PTCH1: variants seen among roughly 807,000 people sequenced by gnomAD.
PTCH1 encodes protein patched homolog 1.
PTCH1 carries 14 observed loss-of-function variants against 144.6 expected under a neutral mutation model. That is an observed-to-expected ratio of 0.10 (90% CI 0.06 to 0.15). The LOEUF (loss-of-function observed/expected upper bound fraction) is 0.15, where lower values mean the gene tolerates loss of function less well. Ranked by LOEUF, PTCH1 falls within the 10% of genes least tolerant of loss-of-function variation. The pLI is 1.00. For missense variants in PTCH1, 1,623 were observed against 1,948.3 expected, an observed-to-expected ratio of 0.83 and a Z score of 3.14; for synonymous variants, 833 against 793.6, an observed-to-expected ratio of 1.05 and a Z score of -0.83.
At chr9:95,464,917 G>A (rs1839864000) in intron 15 of PTCH1, among the ~76,000 whole-genome samples, 1 of 152,066 alleles carries the variant, frequency 6.6e-6, no homozygotes, top group Non-Finnish European at 1.5e-5. Context: ...GCAGCAAAGG[G>A]CTCCAGTGTC....
chr9:95,466,259 C>T (rs1164084647), intron 15 of PTCH1, among the ~76,000 whole-genome samples: 6 of 152,182 alleles, frequency 3.9e-5, no homozygotes, highest in Non-Finnish European at 8.8e-5. Flanking sequence ...GTAGGCCAGG[C>T]TGGTCTCGAA....
Position 95,481,420 on chromosome 9 carries a change from G to A in PTCH1, c.746+529C>T, listed in dbSNP as rs536876239. 7.2e-5 allele frequency among the ~76,000 whole-genome samples: 11 copies of A among 152,242 alleles called. No individual in the cohort carries two copies. The East Asian group carries it at 9.6e-4, about 13-fold the overall frequency. On this transcript the variant is annotated intron_variant, in intron 5 of 23. Transcript: ENST00000331920. The stretch of plus-strand genomic sequence containing the variant: ...TTAACAATTATTCTCTAAATGATGC[G>A]GTATATATAATATCCAACTGCTAAA...
At chr9:95,474,729 T>C (rs1211118789) in intron 12 of PTCH1, among the ~76,000 whole-genome samples, 1 of 152,176 alleles carries the variant, frequency 6.6e-6, no homozygotes, top group Non-Finnish European at 1.5e-5. Flanking sequence ...CGTGATTGAT[T>C]GGTTCCTCTT....
chr9:95,455,029 G>C (rs1249194346), intron 19 of PTCH1, among the ~76,000 whole-genome samples: 2 of 152,172 alleles, frequency 1.3e-5, no homozygotes, highest in Non-Finnish European at 2.9e-5. Context: ...TTGAAGAACT[G>C]TATTGGAATT....
rs1838236724 is a variant in PTCH1 at position 95,449,292 on chromosome 9, G to C, written c.3581C>G (p.Pro1194Arg). The change falls in exon 22 of 24, where the codon CCC (proline) becomes CGC (arginine). Residue 1194 changes from proline to arginine, a missense_variant. By Grantham distance (103) the Pro-to-Arg change is moderately radical. Transcript: ENST00000331920. The surrounding 1 kb of genome is among the most constrained non-coding windows in gnomAD (Gnocchi z 5.3). The part of the protein sequence containing the change: ...VSPANGLNRL[P>R]TPSPEPPPSV... ...GGGGGGTGGCTCAGGGGAGGGTGTG[G>C]GCAGGCGGTTCAAGCCGTTGGCTGG... 6.4e-7 allele frequency: 1 copy of C among 1,557,430 alleles called. No homozygotes were observed. The highest frequency in any genetic ancestry group is 1.4e-5 in the African/African-American group (1 of 73,836).
intron 14 of PTCH1, among the ~76,000 whole-genome samples, chr9:95,467,908 T>C (rs1465284510): frequency 1.3e-5 from 2 of 151,686 alleles, no homozygotes; most frequent in Non-Finnish European, 2.9e-5. Flanking sequence ...TGCCCAGCCT[T>C]GTTTTGTTAT....
chr9:95,463,170 CAA>C (rs71498963), intron 15 of PTCH1, among the ~76,000 whole-genome samples: 71 of 151,814 alleles, frequency 4.7e-4, no homozygotes, highest in Admixed American at 9.2e-4. Context: ...TCAAAGGCTT[CAA>C]AAAAAATCTG....
chr9:95,475,244 T>C (rs1449071221), intron 12 of PTCH1, among the ~76,000 whole-genome samples: 1 of 152,128 alleles, frequency 6.6e-6, no homozygotes. Context: ...TGCTTACAAT[T>C]CACAGAAGCT....
At chr9:95,509,991 TCCC>T (rs529718321), upstream of PTCH1, among the ~76,000 whole-genome samples, 271 of 139,180 alleles carry the variant, frequency 1.9e-3, 4 homozygotes, top group Non-Finnish European at 7.8e-4. Context: ...AGCCGCTTTC[TCCC>T]CCCAACTTAA....
chr9:95,515,345 T>C (rs1457310969), intron 1 of PTCH1, among the ~76,000 whole-genome samples: 1 of 152,212 alleles, frequency 6.6e-6, no homozygotes, highest in Admixed American at 6.5e-5. Flanking sequence ...TCTTTTGTAT[T>C]TCTCCTCCCC....
chr9:95,481,004 C>T (rs949627200), intron 5 of PTCH1, among the ~76,000 whole-genome samples: 2 of 151,960 alleles, frequency 1.3e-5, no homozygotes, highest in Non-Finnish European at 2.9e-5. Flanking sequence ...AATATTTGAT[C>T]TCTGCTACCT....
chr9:95,480,169 G>A (rs1240764534), intron 6 of PTCH1, 79 bp from the exon 7 acceptor site: 2 of 1,599,710 alleles, frequency 1.3e-6, no homozygotes, highest in African/African-American at 1.3e-5. Context: ...GTGCATTAAG[G>A]GCTTGTGTGT....
In PTCH1 at chr9:95,453,535, A is replaced by G. The variant is rs1467320686; in HGVS notation, c.3392T>C (p.Val1131Ala). 1 of 1,614,054 alleles carries G rather than the reference A, an allele frequency of 6.2e-7. No individual in the cohort carries two copies. The highest frequency in any genetic ancestry group is 8.5e-7 in the Non-Finnish European group (1 of 1,180,040). Residue 1131 changes from valine to alanine, a missense_variant, in exon 20 of 24, where the codon GTG becomes GCG. Val to Ala is a moderately conservative substitution (Grantham distance 64). Coordinates refer to ENST00000331920, the MANE Select transcript of PTCH1 (RefSeq NM_000264.5). ...CATCAGCACTCCCAGCAGAGTGGAC[A>G]CGGCGCCATCCAGGACGGGTGCAAA... ...HMFAPVLDGA[V>A]STLLGVLMLA...
intron 1 of PTCH1, chr9:95,507,849 C>T (rs1843830073): frequency 2.8e-6 from 3 of 1,089,802 alleles, no homozygotes; most frequent in South Asian, 3.4e-5. Flanking sequence ...TGAGGTGGTC[C>T]GCCGTGGACG....
chr9:95,480,221 G>A (rs1841421582), intron 6 of PTCH1, 131 bp from the exon 7 acceptor site: 2 of 1,536,962 alleles, frequency 1.3e-6, no homozygotes, highest in Non-Finnish European at 1.8e-6. Flanking sequence ...GGAGGTGTAT[G>A]GCAAATCTTA....
Position 95,459,720 on chromosome 9 carries a change from G to A in PTCH1, c.2767C>T (p.Leu923=), listed in dbSNP as rs1554691697. 3 of 1,614,076 alleles carry A rather than the reference G, an allele frequency of 1.9e-6. No homozygotes were observed. Among genetic ancestry groups the A allele is most frequent in the Non-Finnish European group, 2.5e-6 (3 of 1,180,040 alleles). Reference sequence around the variant, plus strand: ...GGGTCGTTGCTGACCCAAGCCGTCAGGTAGATGTAGAAAGCGCTGGGATTA... The same window carrying A: ...GGGTCGTTGCTGACCCAAGCCGTCAAGTAGATGTAGAAAGCGCTGGGATTA... ...IINPSAFYIY[L]TAWVSNDPVA... is the part of the protein sequence containing the mutation. The change falls in exon 17 of 24, where the codon CTG becomes TTG. Residue 923 remains leucine (L), a synonymous_variant. Transcript: ENST00000331920.
intron 2 of PTCH1, chr9:95,494,241 A>G (rs1263748514): frequency 2.0e-6 from 2 of 985,396 alleles, no homozygotes; most frequent in Non-Finnish European, 2.4e-6. Flanking sequence ...CTCCCTCTGA[A>G]TGGCTTTCCC....
chr9:95,466,078 G>A (rs545325358), intron 15 of PTCH1, among the ~76,000 whole-genome samples: 235 of 152,080 alleles, frequency 1.5e-3, no homozygotes, highest in African/African-American at 5.3e-3. Context: ...ATGGAGTCTC[G>A]CTCTTGTCGC....
chr9:95,468,907 G>A lies in PTCH1; in HGVS notation c.2094C>T (p.Ser698=), dbSNP rs2118038330. The change falls in exon 14 of 24, where the codon AGC becomes AGT. Residue 698 remains serine, a synonymous_variant. Coordinates refer to ENST00000331920, the MANE Select transcript of PTCH1 (RefSeq NM_000264.5). ...AGCTGGTGCTCTCTGGGCTCTGGCA[G>A]CTGAGGGTGTCCTGTGTCACGGTGA... is the stretch of plus-strand genomic sequence containing the variant. The part of the protein sequence containing the change: ...QPVTVTQDTL[S]CQSPESTSST... 1 of 1,614,216 alleles carries A rather than the reference G, an allele frequency of 6.2e-7. No homozygotes were observed. Among genetic ancestry groups the A allele is most frequent in the South Asian group, 1.1e-5 (1 of 91,072 alleles).
Sources: allele counts gnomAD v4.1 joint callset (sites outside exome capture counted in the v4.1 genomes callset), GRCh38; gene constraint gnomAD v4.1.1; non-coding constraint Gnocchi (gnomAD v3.1); transcripts MANE v1.5; gene names NCBI Gene and HGNC (gene_info 2026-07-23, HGNC 2026-07-21).